Variants in SPRR5 observed in about 807,000 individuals in gnomAD.
SPRR5 encodes small proline rich protein 5, also known as small proline-rich protein 5.
intron 1 of SPRR5, among the ~76,000 whole-genome samples, 157 bp from the exon 2 acceptor site, chr1:152,948,380 G>A (rs1038460753): frequency 8.0e-5 from 11 of 138,002 alleles, no homozygotes; most frequent in African/African-American, 3.5e-4. Context: ...TTACACATGC[G>A]CGCGCGCACA....
chr1:152,948,910 C>T (rs970391171), exon 2 of SPRR5: 8 of 218,032 alleles, frequency 3.7e-5, no homozygotes, highest in South Asian at 1.7e-4. Context: ...GAGGCGAACC[C>T]CCAGGAAAAA....
chr1:152,947,697 G>A (rs991686850), intron 1 of SPRR5, among the ~76,000 whole-genome samples: 16 of 152,162 alleles, frequency 1.1e-4, no homozygotes, highest in African/African-American at 3.4e-4. Context: ...GGGACAAGAC[G>A]ATGTGGCACC....
intron 1 of SPRR5, among the ~76,000 whole-genome samples, chr1:152,947,613 G>T (rs1651092025): frequency 6.6e-6 from 1 of 152,184 alleles, no homozygotes. Context: ...AAAGAAAAGA[G>T]AAGGCAGGAA....
At chr1:152,948,483 T>C in intron 1 of SPRR5, 54 bp from the exon 2 acceptor site, 1 of 284,744 alleles carries the variant, frequency 3.5e-6, no homozygotes. Flanking sequence ...CACCTGGGCT[T>C]AGGGTCTCTC....
intron 1 of SPRR5, among the ~76,000 whole-genome samples, 155 bp from the exon 2 acceptor site, chr1:152,948,382 G>GCACACACACACA (rs1004617547): frequency 4.4e-4 from 63 of 142,142 alleles, no homozygotes; most frequent in African/African-American, 1.7e-3. Context: ...ACACATGCGC[G>GCACACACACACA]CGCGCACACA....
intron 1 of SPRR5, among the ~76,000 whole-genome samples, chr1:152,948,103 A>G (rs902440194): frequency 6.6e-6 from 1 of 152,174 alleles, no homozygotes; most frequent in African/African-American, 2.4e-5. Context: ...TCAAAATCAT[A>G]TAGTTAATAA....
chr1:152,948,380 G>GCACA lies in SPRR5; in HGVS notation c.-18-156_-18-155insACAC, dbSNP rs201730344. On this transcript the variant is annotated intron_variant, in intron 1 of 1. Transcript: ENST00000636302. Reference sequence around the variant, plus strand: ...GTAAACACTTAAAGTTTACACATGCGCGCGCGCACACACACACACACACTC... The same window carrying GCACA: ...GTAAACACTTAAAGTTTACACATGCGCACACGCGCGCACACACACACACACACTC... Among the ~76,000 whole-genome samples the GCACA allele has an allele frequency of 1.5e-4, 21 of 138,002 alleles. No individual in the cohort carries two copies. The East Asian group carries it at 3.7e-3, about 24-fold the overall frequency. The allele number at this position is 138,002 out of a possible 152,430, so 90.5% of individuals were successfully genotyped here. A position where few individuals can be genotyped will look rare whatever the true frequency, so the allele number is the denominator to read the frequency against.
intron 1 of SPRR5, among the ~76,000 whole-genome samples, chr1:152,948,084 C>T (rs891173805): frequency 6.6e-6 from 1 of 152,042 alleles, no homozygotes; most frequent in African/African-American, 2.4e-5. Context: ...TATGGAAAAC[C>T]TTAGTTGCTC....
intron 1 of SPRR5, among the ~76,000 whole-genome samples, chr1:152,947,879 T>C (rs1236550477): frequency 6.6e-6 from 1 of 152,230 alleles, no homozygotes; most frequent in Non-Finnish European, 1.5e-5. Context: ...TAAACTCCTT[T>C]AGAGAGTGGT....
exon 2 of SPRR5, chr1:152,948,689 G>A (rs188522717): frequency 1.8e-5 from 2 of 108,238 alleles, no homozygotes; most frequent in East Asian, 2.5e-4. Flanking sequence ...AGTGCTGCCC[G>A]CCGCCTCAAC....
At chr1:152,948,864 A>C in exon 2 of SPRR5, 1 of 206,890 alleles carries the variant, frequency 4.8e-6, no homozygotes, top group Non-Finnish European at 9.3e-6. Flanking sequence ...GCAGTGCCAG[A>C]CGTCCAAGCA....
At chr1:152,948,755 A>T (rs1570933195) in exon 2 of SPRR5, 1 of 64,144 alleles carries the variant, frequency 1.6e-5, no homozygotes, top group African/African-American at 9.0e-5. Flanking sequence ...GCTGCCCTCC[A>T]CCTCAGCAGT....
chr1:152,947,282 C>G (rs1651084223), intron 1 of SPRR5, 34 bp downstream of exon 1: 1 of 152,284 alleles, frequency 6.6e-6, no homozygotes. Context: ...CTTATAGCAG[C>G]CTTGCCTTGC....
At chr1:152,948,509 C>A in intron 1 of SPRR5, 28 bp from the exon 2 acceptor site, 1 of 311,404 alleles carries the variant, frequency 3.2e-6, no homozygotes, top group South Asian at 1.4e-4. Flanking sequence ...CTCAAGTGTT[C>A]CTCATTTCTG....
At chr1:152,948,733 C>G (rs1323247216) in exon 2 of SPRR5, 2 of 180,270 alleles carry the variant, frequency 1.1e-5, no homozygotes, top group East Asian at 1.8e-4. Context: ...TGCTGTCCCC[C>G]ACCCCAGCAG....
At chr1:152,948,384 G>GCACACACACACACACA (rs1352245363) in intron 1 of SPRR5, among the ~76,000 whole-genome samples, 153 bp from the exon 2 acceptor site, 37 of 139,378 alleles carry the variant, frequency 2.7e-4, no homozygotes, top group African/African-American at 1.2e-3. Context: ...ACATGCGCGC[G>GCACACACACACACACA]CGCACACACA....
intron 1 of SPRR5, among the ~76,000 whole-genome samples, chr1:152,947,622 A>G (rs1651092136): frequency 6.6e-6 from 1 of 152,196 alleles, no homozygotes; most frequent in African/African-American, 2.4e-5. Context: ...AGAAGGCAGG[A>G]AGGAAAGAGA....
chr1:152,948,255 T>C (rs1316625778), intron 1 of SPRR5, among the ~76,000 whole-genome samples: 1 of 152,138 alleles, frequency 6.6e-6, no homozygotes, highest in Non-Finnish European at 1.5e-5. Flanking sequence ...TTTTTCTTTC[T>C]TTTCAACCCC....
At chr1:152,947,353 G>A (rs1022059199) in intron 1 of SPRR5, 105 bp downstream of exon 1, 1 of 152,388 alleles carries the variant, frequency 6.6e-6, no homozygotes, top group Admixed American at 6.5e-5. Context: ...GAAAGGATGG[G>A]TCTTTTGGGG....
Sources: allele counts gnomAD v4.1 joint callset (sites outside exome capture counted in the v4.1 genomes callset), GRCh38; gene constraint gnomAD v4.1.1; transcripts MANE v1.5; gene names NCBI Gene and HGNC (gene_info 2026-07-23, HGNC 2026-07-21).